CTSS: variants seen among roughly 807,000 people sequenced by gnomAD.
CTSS encodes the protein cathepsin S.
CTSS carries 15 observed loss-of-function variants against 39.9 expected under a neutral mutation model. That is an observed-to-expected ratio of 0.38 (90% CI 0.25 to 0.58). The LOEUF (loss-of-function observed/expected upper bound fraction) is 0.58. CTSS is among the 20% of genes least tolerant of loss of function. CTSS has a pLI of 0.70. For synonymous variants in CTSS, 126 were observed against 138.2 expected (o/e 0.91, Z 0.62); for missense variants, 250 against 398.2 (o/e 0.63, Z 3.17).
At chr1:150,736,195 T>C (rs1652633325) in intron 7 of CTSS, among the ~76,000 whole-genome samples, 1 of 152,182 alleles carries the variant, frequency 6.6e-6, no homozygotes, top group South Asian at 2.1e-4. Context: ...AGACACCACT[T>C]ATTTAGCACT....
chr1:150,744,465 ATATATTATATATTATATGTATATTATG>A lies in CTSS; in HGVS notation c.896+3285_896+3311del, dbSNP rs1557810135. Among the ~76,000 whole-genome samples, 99 of 41,730 alleles carry A rather than the reference ATATATTATATATTATATGTATATTATG, an allele frequency of 2.4e-3. 2 individuals are homozygous for A. The highest frequency in any genetic ancestry group is 7.3e-3 in the African/African-American group (94 of 12,872). The allele number at this position is 41,730 out of a possible 152,430, so 27.4% of individuals were successfully genotyped here. On this transcript the variant is annotated intron_variant, in intron 7 of 7. Coordinates refer to ENST00000368985, the MANE Select transcript of CTSS (RefSeq NM_004079.5). ...ATTATATGTATATTATGTATACATAATATATTATATATTATATGTATATTATGTATACATAATATATTATATATTATA... is the reference window on the plus strand; with the variant it reads ...ATTATATGTATATTATGTATACATAATATACATAATATATTATATATTATA...
intron 6 of CTSS, chr1:150,748,175 A>G (rs1652929999): frequency 1.0e-5 from 2 of 190,534 alleles, no homozygotes; most frequent in Non-Finnish European, 2.2e-5. Context: ...CTGTAGTCCC[A>G]GCTACTCAGG....
Position 150,730,784 on chromosome 1 carries a change from A to G in CTSS, c.*2262T>C, listed in dbSNP as rs1652501959. 6.6e-6 allele frequency: 1 copy of G among 152,210 alleles called. No individual in the cohort carries two copies. The highest frequency in any genetic ancestry group is 1.5e-5 in the Non-Finnish European group (1 of 68,038). 9.4% of individuals were successfully genotyped at this position (152,210 alleles called of 1,614,324 possible). On this transcript the variant is annotated 3_prime_UTR_variant, in exon 8 of 8. Coordinates refer to ENST00000368985, the MANE Select transcript of CTSS (RefSeq NM_004079.5). ...AAAAACCCAGATATTTTCATATCAC[A>G]TTAGTTTTTTGCATCTATTTTCATT...
chr1:150,749,734 CA>C (rs1258585163), intron 6 of CTSS, among the ~76,000 whole-genome samples: 1 of 151,706 alleles, frequency 6.6e-6, no homozygotes, highest in Non-Finnish European at 1.5e-5. Context: ...ACTGTAACCT[CA>C]AATTCCTGGG....
chr1:150,758,911 T>TG (rs1653193698), intron 2 of CTSS, among the ~76,000 whole-genome samples: 1 of 151,368 alleles, frequency 6.6e-6, no homozygotes. Flanking sequence ...TGCAGTGGTA[T>TG]GATCATAGCT....
rs1046810016 is a variant in CTSS, at chr1:150,749,898, T to C, written c.793+108A>G. 50 of 918,642 alleles carry C rather than the reference T, an allele frequency of 5.4e-5. No individual in the cohort carries two copies. In the South Asian group the frequency reaches 9.5e-4, roughly 17 times the overall value. The allele number at this position is 918,642 out of a possible 1,614,324, so 56.9% of individuals were successfully genotyped here. ...TCAAACTCCCAGGCTCAAGCAATCC[T>C]CCCACCTCAGCCTCCAAAGCTAGAA... On this transcript the variant is annotated intron_variant, in intron 6 of 7. Transcript: ENST00000368985.
rs1398146044 is a variant in CTSS, at chr1:150,731,943, G to A, written c.*1103C>T. ...TTTTTTTAAGACAGGGTCTTGCTCT[G>A]TCACCCAGGCTGGAGTGCAGTGGTG... is the stretch of plus-strand genomic sequence containing the variant. On this transcript the variant is annotated 3_prime_UTR_variant, in exon 8 of 8. Coordinates refer to ENST00000368985, the MANE Select transcript of CTSS (RefSeq NM_004079.5). 1 of 152,068 alleles carries A rather than the reference G, an allele frequency of 6.6e-6. No individual in the cohort carries two copies. Among genetic ancestry groups the A allele is most frequent in the African/African-American group, 2.4e-5 (1 of 41,390 alleles). The allele number at this position is 152,068 out of a possible 1,614,324, so 9.4% of individuals were successfully genotyped here. A position where few individuals can be genotyped will look rare whatever the true frequency, so the allele number is the denominator to read the frequency against.
At position 150,754,984 on chromosome 1, in the gene CTSS, G is replaced by C; in HGVS notation, c.399+17C>G. On this transcript the variant is annotated intron_variant, in intron 4 of 7. Transcript: ENST00000368985. ...AGCTCTACCTAGGGTTCAGAGGCTT[G>C]GGATGGTAATACTCACTTGATATTT... 1 of 1,610,624 alleles carries C rather than the reference G, an allele frequency of 6.2e-7. No individual in the cohort carries two copies. The highest frequency in any genetic ancestry group is 8.5e-7 in the Non-Finnish European group (1 of 1,177,688).
intron 6 of CTSS, 94 bp from the exon 7 acceptor site, chr1:150,747,973 G>A: frequency 2.5e-6 from 2 of 805,230 alleles, no homozygotes; most frequent in South Asian, 3.2e-5. Flanking sequence ...GCCTGCTTTG[G>A]ATACATAGCA....
At position 150,751,780 on chromosome 1, in the gene CTSS, C is replaced by T; in HGVS notation, c.627+1G>A. The stretch of plus-strand genomic sequence containing the variant: ...GCACAAAAAGTTTGCTTAAGACGCA[C>T]CATGGCTTTGTAGGGATAGGAAGCG... On this transcript the variant is annotated splice_donor_variant, in intron 5 of 7. Coordinates refer to ENST00000368985, the MANE Select transcript of CTSS (RefSeq NM_004079.5). LOFTEE classifies it high-confidence loss of function. 4 of 1,613,978 alleles carry T rather than the reference C, an allele frequency of 2.5e-6. No homozygotes were observed. Among genetic ancestry groups the T allele is most frequent in the Non-Finnish European group, 3.4e-6 (4 of 1,179,860 alleles).
intron 6 of CTSS, 77 bp downstream of exon 6, chr1:150,749,929 G>T (rs1652975561): frequency 2.3e-6 from 3 of 1,288,896 alleles, no homozygotes; most frequent in South Asian, 1.6e-5. Flanking sequence ...TAGAATTACA[G>T]GCATGAACCA....
intron 7 of CTSS, among the ~76,000 whole-genome samples, chr1:150,736,754 C>T (rs1202083150): frequency 6.6e-6 from 1 of 151,408 alleles, no homozygotes; most frequent in African/African-American, 2.4e-5. Flanking sequence ...GCTAACTTCC[C>T]TTAAACAATG....
At chr1:150,734,741 T>C in intron 7 of CTSS, among the ~76,000 whole-genome samples, 1 of 152,134 alleles carries the variant, frequency 6.6e-6, no homozygotes, top group East Asian at 1.9e-4. Flanking sequence ...TCCAAAGACA[T>C]AATCTCTATT....
intron 7 of CTSS, among the ~76,000 whole-genome samples, chr1:150,743,073 T>A (rs587775798): frequency 4.8e-4 from 73 of 152,216 alleles, no homozygotes; most frequent in African/African-American, 1.6e-3. Context: ...TAGTTGAAAC[T>A]GAAGGAGCAG....
chr1:150,745,814 A>G (rs991505775), intron 7 of CTSS, among the ~76,000 whole-genome samples: 2 of 152,172 alleles, frequency 1.3e-5, no homozygotes, highest in African/African-American at 4.8e-5. Flanking sequence ...GGGGAGAGGC[A>G]TCAAACTTTT....
intron 6 of CTSS, among the ~76,000 whole-genome samples, chr1:150,749,094 A>C (rs1652951921): frequency 6.6e-6 from 1 of 152,162 alleles, no homozygotes; most frequent in South Asian, 2.1e-4. Flanking sequence ...AATGATATTG[A>C]AATTATGCCA....
At chr1:150,747,280 A>G (rs958716062) in intron 7 of CTSS, among the ~76,000 whole-genome samples, 1 of 152,140 alleles carries the variant, frequency 6.6e-6, no homozygotes, top group East Asian at 1.9e-4. Context: ...ATTTGGATGT[A>G]TTGAGTTTGG....
chr1:150,739,662 T>TCAACAACAA (rs10556231), intron 7 of CTSS, among the ~76,000 whole-genome samples: 9 of 149,386 alleles, frequency 6.0e-5, no homozygotes, highest in African/African-American at 2.2e-4. Context: ...GAGACCTGTC[T>TCAACAACAA]CAACAACAAC....
At chr1:150,736,105 T>G (rs1461832523) in intron 7 of CTSS, among the ~76,000 whole-genome samples, 3 of 152,136 alleles carry the variant, frequency 2.0e-5, no homozygotes, top group Non-Finnish European at 4.4e-5. Context: ...TTGCCCAGGC[T>G]GTAGCAATGC....
Sources: allele counts gnomAD v4.1 joint callset (sites outside exome capture counted in the v4.1 genomes callset), GRCh38; gene constraint gnomAD v4.1.1; transcripts MANE v1.5; gene names NCBI Gene and HGNC (gene_info 2026-07-23, HGNC 2026-07-21).